The following DPP10 variants were observed in gnomAD, a reference collection of about 807,000 sequenced individuals.
DPP10 encodes dipeptidyl peptidase like 10, also known as inactive dipeptidyl peptidase 10.
DPP10 carries 33 observed loss-of-function variants against 120.9 expected under a neutral mutation model. The observed-to-expected ratio is 0.27, with a 90% CI of 0.21 to 0.37. DPP10 has a LOEUF of 0.37. DPP10 is among the 10% of genes least tolerant of loss of function. DPP10 has a pLI of 1.00. For missense variants in DPP10, 816 were observed against 942.8 expected (o/e 0.87, Z 1.76); for synonymous variants, 337 against 326.1 (o/e 1.03, Z -0.36).
At chr2:115,703,245 G>T (rs965218985) in intron 7 of DPP10, among the ~76,000 whole-genome samples, 5 of 151,706 alleles carry the variant, frequency 3.3e-5, no homozygotes, top group African/African-American at 1.2e-4. Flanking sequence ...GTGATTTAGG[G>T]AGAGTTGAAG....
chr2:115,639,226 C>A (rs1439699189), intron 5 of DPP10, among the ~76,000 whole-genome samples: 1 of 152,214 alleles, frequency 6.6e-6, no homozygotes, highest in African/African-American at 2.4e-5. Flanking sequence ...GTAGTAGCTT[C>A]TGTTTCTCTT....
rs1491280011 is a variant in DPP10, at chr2:115,711,915, G to GTTTT, written c.577-15901_577-15900insTTTT. 7.3e-4 allele frequency among the ~76,000 whole-genome samples: 71 copies of GTTTT among 96,966 alleles called. 12 individuals carry two copies. The highest frequency in any genetic ancestry group is 1.1e-3 in the African/African-American group (27 of 23,924). The allele number at this position is 96,966 out of a possible 152,430, so 63.6% of individuals were successfully genotyped here. A position where few individuals can be genotyped will look rare whatever the true frequency, so the allele number is the denominator to read the frequency against. ...GAATATTGGACCTATAAAATGGTCT[G>GTTTT]GTTTTTTTTTTTTTTTTTTTTTTGG... On this transcript the variant is annotated intron_variant, in intron 7 of 25. Coordinates refer to ENST00000410059, the MANE Select transcript of DPP10 (RefSeq NM_020868.6).
chr2:114,982,675 C>T (rs1700157807), intron 1 of DPP10, among the ~76,000 whole-genome samples: 1 of 151,744 alleles, frequency 6.6e-6, no homozygotes, highest in South Asian at 2.1e-4. Flanking sequence ...ATCGTGGCTC[C>T]CTGCAGCCTC....
intron 1 of DPP10, among the ~76,000 whole-genome samples, chr2:114,728,902 C>A (rs1332837911): frequency 6.6e-6 from 1 of 152,180 alleles, no homozygotes; most frequent in Non-Finnish European, 1.5e-5. Flanking sequence ...TGGCTCTCTG[C>A]ACTAGAGTTT....
At position 115,421,869 on chromosome 2, in the gene DPP10, C is replaced by CA. The variant is rs10610510; in HGVS notation, c.272-77613dup. Among the ~76,000 whole-genome samples, 301 of 46,918 alleles carry CA rather than the reference C, an allele frequency of 6.4e-3. 49 individuals are homozygous for CA. The highest frequency in any genetic ancestry group is 0.022 in the African/African-American group (232 of 10,526). 30.8% of individuals were successfully genotyped at this position (46,918 alleles called of 152,430 possible). A position where few individuals can be genotyped will look rare whatever the true frequency, so the allele number is the denominator to read the frequency against. ...CTGGCGACAGAGCAAGACTCCATCTCAAAAAAAAAAAAAAAAAAAAAAAAA... is the reference window on the plus strand; with the variant it reads ...CTGGCGACAGAGCAAGACTCCATCTCAAAAAAAAAAAAAAAAAAAAAAAAAA... On this transcript the variant is annotated intron_variant, in intron 3 of 25. Transcript: ENST00000410059.
intron 3 of DPP10, among the ~76,000 whole-genome samples, chr2:115,349,056 A>G (rs1316492795): frequency 3.3e-5 from 5 of 152,136 alleles, no homozygotes; most frequent in Admixed American, 2.6e-4. Flanking sequence ...AGTGCTCCAT[A>G]AATAGTTTCA....
intron 1 of DPP10, among the ~76,000 whole-genome samples, chr2:115,048,626 A>G (rs1375450314): frequency 6.6e-6 from 1 of 152,092 alleles, no homozygotes; most frequent in Non-Finnish European, 1.5e-5. Flanking sequence ...ACCTCATGCC[A>G]AATAGCTCCC....
intron 1 of DPP10, among the ~76,000 whole-genome samples, chr2:114,748,010 A>G (rs1678743796): frequency 6.6e-6 from 1 of 152,182 alleles, no homozygotes; most frequent in Non-Finnish European, 1.5e-5. Context: ...TAAAATATTT[A>G]TAGCAATTTT....
intron 9 of DPP10, 142 bp downstream of exon 9, chr2:115,740,035 C>T (rs1012392499): frequency 2.4e-5 from 21 of 859,778 alleles, no homozygotes; most frequent in Non-Finnish European, 1.3e-5. Flanking sequence ...CACTTTCGAT[C>T]TCCCAGTAGT....
At chr2:115,752,423 T>C (rs566085725) in intron 10 of DPP10, among the ~76,000 whole-genome samples, 1 of 152,334 alleles carries the variant, frequency 6.6e-6, no homozygotes, top group Admixed American at 6.5e-5. Flanking sequence ...CCAGTTACCA[T>C]GAGGACATAA....
chr2:114,672,471 C>G (rs1698408268), intron 1 of DPP10, among the ~76,000 whole-genome samples: 1 of 152,082 alleles, frequency 6.6e-6, no homozygotes, highest in South Asian at 2.1e-4. Flanking sequence ...CAGTGCTTAC[C>G]TATTTGTGTC....
intron 7 of DPP10, among the ~76,000 whole-genome samples, chr2:115,722,721 AC>A (rs1473191245): frequency 9.2e-5 from 14 of 152,222 alleles, no homozygotes; most frequent in African/African-American, 2.9e-4. Context: ...GTGGTCTGTT[AC>A]CGACCAAAAC....
intron 1 of DPP10, among the ~76,000 whole-genome samples, chr2:115,023,586 A>C (rs1048157839): frequency 2.0e-5 from 3 of 152,190 alleles, no homozygotes; most frequent in Non-Finnish European, 2.9e-5. Context: ...AACAGTGTGG[A>C]GATTCCTTAA....
intron 1 of DPP10, among the ~76,000 whole-genome samples, chr2:115,163,258 G>A (rs1409077859): frequency 6.6e-6 from 1 of 152,206 alleles, no homozygotes; most frequent in Non-Finnish European, 1.5e-5. Context: ...GCGAGACACA[G>A]GAGGCCATGC....
chr2:115,791,904 G>A (rs963023628), intron 19 of DPP10, among the ~76,000 whole-genome samples: 3 of 152,166 alleles, frequency 2.0e-5, no homozygotes, highest in South Asian at 2.1e-4. Flanking sequence ...CATCTAATGC[G>A]TAACTAACTT....
intron 8 of DPP10, among the ~76,000 whole-genome samples, chr2:115,731,182 A>AC (rs898525859): frequency 6.6e-6 from 1 of 151,978 alleles, no homozygotes; most frequent in Non-Finnish European, 1.5e-5. Context: ...ACATGGTGAA[A>AC]CCCCGTCTCT....
At position 114,481,749 on chromosome 2, in the gene DPP10, C is replaced by T. The variant is rs528313400; in HGVS notation, c.60+38911C>T. On this transcript the variant is annotated intron_variant, in intron 1 of 25. Transcript: ENST00000410059. ...ACTGCTATAAAGATACTACCTGAGACTGGGTAATTTATTTAAAAGAAGGAG... is the reference window on the plus strand; with the variant it reads ...ACTGCTATAAAGATACTACCTGAGATTGGGTAATTTATTTAAAAGAAGGAG... Among the ~76,000 whole-genome samples, 49 of 152,106 alleles carry T rather than the reference C, an allele frequency of 3.2e-4. No individual in the cohort carries two copies. The South Asian group carries it at 3.7e-3, about 12-fold the overall frequency.
At position 114,929,493 on chromosome 2, in the gene DPP10, T is replaced by C. The variant is rs10188663; in HGVS notation, c.61-379746T>C. Among the ~76,000 whole-genome samples the C allele has an allele frequency of 4.1e-3, 631 of 152,306 alleles. 1 individual carries two copies. The highest frequency in any genetic ancestry group is 0.015 in the African/African-American group (605 of 41,572). On this transcript the variant is annotated intron_variant, in intron 1 of 25. Coordinates refer to ENST00000410059, the MANE Select transcript of DPP10 (RefSeq NM_020868.6). The stretch of plus-strand genomic sequence containing the variant: ...CTCCCCCTGGGAATGCATTCTTTCC[T>C]AGGGTTATTCCTTACTGGGAAAAGA...
At position 114,512,428 on chromosome 2, in the gene DPP10, C is replaced by A. The variant is rs538982698; in HGVS notation, c.60+69590C>A. Among the ~76,000 whole-genome samples, 17 of 152,246 alleles carry A rather than the reference C, an allele frequency of 1.1e-4. No individual in the cohort carries two copies. The South Asian group carries it at 2.5e-3, about 22-fold the overall frequency. The stretch of plus-strand genomic sequence containing the variant: ...TCTCACAAACTTGGTGATATAGAAA[C>A]TGCATTTTCTGCTTTGGTGCACCCC... On this transcript the variant is annotated intron_variant, in intron 1 of 25. Transcript: ENST00000410059.
Sources: allele counts gnomAD v4.1 joint callset (sites outside exome capture counted in the v4.1 genomes callset), GRCh38; gene constraint gnomAD v4.1.1; transcripts MANE v1.5; gene names NCBI Gene and HGNC (gene_info 2026-07-23, HGNC 2026-07-21).